PTPRN2: variants seen among roughly 807,000 people sequenced by gnomAD.
PTPRN2 encodes protein tyrosine phosphatase receptor type N2, also known as receptor-type tyrosine-protein phosphatase N2.
A neutral mutation model predicts 118.8 loss-of-function variants in PTPRN2; 74 were observed. That is an observed-to-expected ratio of 0.62 (90% CI 0.52 to 0.76). PTPRN2 has a LOEUF of 0.76. Ranked by LOEUF, PTPRN2 falls within the 30% of genes least tolerant of loss-of-function variation. PTPRN2 has a pLI of 0.00. For synonymous variants in PTPRN2, 641 were observed against 608.0 expected, an observed-to-expected ratio of 1.05 and a Z score of -0.80; for missense variants, 1,481 against 1,394.4, an observed-to-expected ratio of 1.06 and a Z score of -0.99.
intron 3 of PTPRN2, among the ~76,000 whole-genome samples, chr7:158,279,536 A>G (rs10949708): frequency 0.27 from 41,690 of 152,074 alleles, 6,385 homozygotes; most frequent in African/African-American, 0.41. Flanking sequence ...ACCCACCATC[A>G]TGGCCAACGA....
chr7:158,561,849 T>C (rs185657181), intron 1 of PTPRN2, among the ~76,000 whole-genome samples: 69 of 152,236 alleles, frequency 4.5e-4, no homozygotes, highest in African/African-American at 1.6e-3. Flanking sequence ...CAGCTCTCCC[T>C]ACCTCCCATC....
chr7:157,760,370 TC>T lies in PTPRN2; in HGVS notation c.1789-77434del, dbSNP rs1213802337. Among the ~76,000 whole-genome samples the T allele has an allele frequency of 3.3e-5, 5 of 150,662 alleles. No homozygotes were observed. In the South Asian group the frequency reaches 1.1e-3, roughly 32 times the overall value. ...GGATGCAGGGTGCACGTTCTCGGTGTCCCCACGTTCAGCTCTACATGCACGA... is the reference window on the plus strand; with the variant it reads ...GGATGCAGGGTGCACGTTCTCGGTGTCCCACGTTCAGCTCTACATGCACGA... On this transcript the variant is annotated intron_variant, in intron 12 of 22. Transcript: ENST00000389418.
chr7:157,653,645 C>A (rs1291628737), intron 14 of PTPRN2, among the ~76,000 whole-genome samples: 2 of 152,108 alleles, frequency 1.3e-5, no homozygotes, highest in Admixed American at 1.3e-4. Context: ...AGGGACATGC[C>A]CACCAGGAGA....
At chr7:158,465,662 A>C (rs1433946133) in intron 2 of PTPRN2, among the ~76,000 whole-genome samples, 5 of 152,234 alleles carry the variant, frequency 3.3e-5, no homozygotes, top group African/African-American at 9.6e-5. Flanking sequence ...CAGCTCTCAC[A>C]GTCCAAGTAC....
At chr7:158,205,938 A>T (rs1827107216) in intron 3 of PTPRN2, among the ~76,000 whole-genome samples, 1 of 152,182 alleles carries the variant, frequency 6.6e-6, no homozygotes, top group Admixed American at 6.5e-5. Flanking sequence ...CTGAGTTCTG[A>T]CAAGCCTCAC....
chr7:157,898,551 C>A, intron 12 of PTPRN2, 122 bp downstream of exon 12: 1 of 1,028,892 alleles, frequency 9.7e-7, no homozygotes. Flanking sequence ...CACTGGTCCT[C>A]CCAGGAAAAC....
intron 14 of PTPRN2, among the ~76,000 whole-genome samples, chr7:157,623,292 A>C (rs1003436251): frequency 1.3e-5 from 2 of 152,208 alleles, no homozygotes; most frequent in African/African-American, 2.4e-5. Flanking sequence ...GTTATGGTGA[A>C]AGGATAGTCC....
At chr7:158,151,135 CT>C (rs201777963) in intron 6 of PTPRN2, among the ~76,000 whole-genome samples, 4,564 of 96,606 alleles carry the variant, frequency 0.047, 677 homozygotes, top group African/African-American at 0.095. Flanking sequence ...CACCGCCCGC[CT>C]TTCTATTCCT....
At chr7:158,340,906 T>G (rs77894405) in intron 2 of PTPRN2, among the ~76,000 whole-genome samples, 1,814 of 72,898 alleles carry the variant, frequency 0.025, 558 homozygotes, top group African/African-American at 0.091. Context: ...ACACCCGAAG[T>G]CAGTCACACC....
chr7:158,331,193 C>T (rs1325313880), intron 2 of PTPRN2, among the ~76,000 whole-genome samples: 1 of 139,098 alleles, frequency 7.2e-6, no homozygotes, highest in Non-Finnish European at 1.5e-5. Context: ...CACACGCAGA[C>T]GTCACTCACA....
chr7:158,268,781 G>A lies in PTPRN2; in HGVS notation c.277+48038C>T, dbSNP rs1340240654. ...AGGGCGGGTGTGAAATATCCCAGCC[G>A]CACACACACAGGGCGGGTGTGAAAT... On this transcript the variant is annotated intron_variant, in intron 3 of 22. Transcript: ENST00000389418. 1.1e-4 allele frequency among the ~76,000 whole-genome samples: 10 copies of A among 94,250 alleles called. 1 individual carries two copies. The highest frequency in any genetic ancestry group is 6.4e-4 in the South Asian group (2 of 3,138). 61.8% of individuals were successfully genotyped at this position (94,250 alleles called of 152,430 possible). A position where few individuals can be genotyped will look rare whatever the true frequency, so the allele number is the denominator to read the frequency against.
chr7:157,812,639 C>T lies in PTPRN2; in HGVS notation c.1788+86034G>A, dbSNP rs937543671. On this transcript the variant is annotated intron_variant, in intron 12 of 22. Transcript: ENST00000389418. ...GCTGTAAGCGAGAGAGATGAATGGA[C>T]GGCTCATCTGTGCTTTGGTGCATCT... is the stretch of plus-strand genomic sequence containing the variant. 1.4e-4 allele frequency among the ~76,000 whole-genome samples: 22 copies of T among 152,248 alleles called. No individual in the cohort carries two copies. In the East Asian group the frequency reaches 2.7e-3, roughly 19 times the overall value.
chr7:158,003,507 TCTACACAGAAGGACAGCCCCTGA>T lies in PTPRN2; in HGVS notation c.1723+77768_1723+77790del, dbSNP rs1428146207. On this transcript the variant is annotated intron_variant, in intron 11 of 22. Coordinates refer to ENST00000389418, the MANE Select transcript of PTPRN2 (RefSeq NM_002847.5). The surrounding 1 kb of genome is among the most constrained non-coding windows in gnomAD (Gnocchi z 5.0). The stretch of plus-strand genomic sequence containing the variant: ...AAGAGGAAGAGACACACAGCCTGCA[TCTACACAGAAGGACAGCCCCTGA>T]GGACGTGGCCACGACGCAGCCACCG... Among the ~76,000 whole-genome samples, 25 of 151,346 alleles carry T rather than the reference TCTACACAGAAGGACAGCCCCTGA, an allele frequency of 1.7e-4. No individual in the cohort carries two copies. The highest frequency in any genetic ancestry group is 2.4e-4 in the Non-Finnish European group (16 of 67,930).
chr7:158,403,741 A>C (rs1303877690), intron 2 of PTPRN2, among the ~76,000 whole-genome samples: 1 of 151,914 alleles, frequency 6.6e-6, no homozygotes, highest in African/African-American at 2.4e-5. Context: ...CTGCACCCCC[A>C]CTCTGAAAAC....
intron 3 of PTPRN2, among the ~76,000 whole-genome samples, chr7:158,252,229 G>A (rs994454695): frequency 2.2e-4 from 33 of 152,238 alleles, no homozygotes; most frequent in Non-Finnish European, 3.7e-4. Context: ...ACTCTGCCTC[G>A]TCCCCATCAC....
intron 1 of PTPRN2, among the ~76,000 whole-genome samples, chr7:158,533,132 A>G (rs974246871): frequency 6.6e-6 from 1 of 152,122 alleles, no homozygotes; most frequent in Non-Finnish European, 1.5e-5. Flanking sequence ...CTTGAAAACC[A>G]CTTCCTTCCC....
At chr7:158,321,699 G>T (rs1803028210) in intron 2 of PTPRN2, among the ~76,000 whole-genome samples, 1 of 152,188 alleles carries the variant, frequency 6.6e-6, no homozygotes, top group South Asian at 2.1e-4. Flanking sequence ...TGAAAATCAT[G>T]GGAGATGAGA....
At chr7:157,860,251 C>T (rs1287310460) in intron 12 of PTPRN2, among the ~76,000 whole-genome samples, 1 of 152,206 alleles carries the variant, frequency 6.6e-6, no homozygotes, top group African/African-American at 2.4e-5. Flanking sequence ...TTTCAGAGGT[C>T]ACTGCAGTCA....
chr7:157,576,520 C>G, intron 19 of PTPRN2, 93 bp downstream of exon 19: 1 of 1,309,182 alleles, frequency 7.6e-7, no homozygotes, highest in Non-Finnish European at 1.0e-6. Context: ...ACGCGGCCCT[C>G]GGCGCCAGGG....
Sources: gnomAD v4.1 joint callset for allele counts (sites outside exome capture counted in the v4.1 genomes callset) on GRCh38, gnomAD v4.1.1 for gene constraint, Gnocchi (gnomAD v3.1) non-coding constraint, MANE v1.5 for transcripts, NCBI Gene and HGNC (gene_info 2026-07-23, HGNC 2026-07-21) for gene names.